MEF2C: variants seen among roughly 807,000 people sequenced by gnomAD.
MEF2C encodes myocyte enhancer factor 2C, also known as myocyte-specific enhancer factor 2C.
A neutral mutation model predicts 50.5 loss-of-function variants in MEF2C; 6 were observed. The observed-to-expected ratio is 0.12, with a 90% CI of 0.07 to 0.23. The LOEUF is 0.23. MEF2C is among the 10% of genes least tolerant of loss of function. The pLI, the probability that MEF2C is intolerant of heterozygous loss-of-function variation, is 1.00. For synonymous variants in MEF2C, 183 were observed against 228.0 expected, an observed-to-expected ratio of 0.80 and a Z score of 1.78; for missense variants, 276 against 605.0, an observed-to-expected ratio of 0.46 and a Z score of 5.70.
intron 1 of MEF2C, among the ~76,000 whole-genome samples, chr5:88,852,777 C>T (rs1375290594): frequency 2.0e-5 from 3 of 152,100 alleles, no homozygotes; most frequent in Non-Finnish European, 2.9e-5. Context: ...GAGCTGGGCA[C>T]GATGGTGCAC....
At chr5:88,887,227 T>G (rs1246991198), upstream of MEF2C, among the ~76,000 whole-genome samples, 1 of 152,220 alleles carries the variant, frequency 6.6e-6, no homozygotes, top group Admixed American at 6.5e-5. Flanking sequence ...TATTTTAATC[T>G]TTGTCTAATT....
At chr5:88,748,469 C>T (rs187131672) in intron 6 of MEF2C, among the ~76,000 whole-genome samples, 3 of 152,230 alleles carry the variant, frequency 2.0e-5, no homozygotes, top group South Asian at 2.1e-4. Context: ...CAAATTAACA[C>T]GGAAACCTGG....
At chr5:88,864,259 C>T (rs150535076) in intron 1 of MEF2C, among the ~76,000 whole-genome samples, 2 of 151,118 alleles carry the variant, frequency 1.3e-5, no homozygotes, top group Non-Finnish European at 2.9e-5. Context: ...CTTATTTGAT[C>T]ATGCTATAAT....
chr5:88,801,628 A>G (rs982643522), intron 3 of MEF2C, among the ~76,000 whole-genome samples: 5 of 151,738 alleles, frequency 3.3e-5, no homozygotes, highest in Non-Finnish European at 5.9e-5. Context: ...CTGGGACTAC[A>G]GGCCCCCTCC....
At chr5:88,887,642 T>C (rs1317098899), upstream of MEF2C, 2 of 152,274 alleles carry the variant, frequency 1.3e-5, no homozygotes. Context: ...ATTTTGTTAA[T>C]GCTGATATGA....
chr5:88,761,520 C>T (rs138317953), intron 3 of MEF2C, among the ~76,000 whole-genome samples, 192 bp from the exon 4 acceptor site: 4 of 152,224 alleles, frequency 2.6e-5, no homozygotes, highest in East Asian at 3.9e-4. Flanking sequence ...AAAATAAAAG[C>T]GAAAGATTCC....
At position 88,761,600 on chromosome 5, in the gene MEF2C, G is replaced by A. The variant is rs1419787438; in HGVS notation, c.259-272C>T. On this transcript the variant is annotated intron_variant, in intron 3 of 10. Transcript: ENST00000504921. The stretch of plus-strand genomic sequence containing the variant: ...AAGTTTCATGATACAGAATTCTTAC[G>A]TGCTTCAAATATCTAGTGAGAGACA... The A allele has an allele frequency of 1.5e-5, 5 of 340,772 alleles. No homozygotes were observed. In the East Asian group the frequency reaches 1.6e-4, roughly 11 times the overall value. 21.1% of individuals were successfully genotyped at this position (340,772 alleles called of 1,614,324 possible). A position where few individuals can be genotyped will look rare whatever the true frequency, so the allele number is the denominator to read the frequency against.
chr5:88,742,244 CTT>C, intron 6 of MEF2C: 1 of 985,332 alleles, frequency 1.0e-6, no homozygotes, highest in Non-Finnish European at 1.2e-6. Context: ...ATGAAAAAAG[CTT>C]TCCTTTCTGT....
intron 1 of MEF2C, among the ~76,000 whole-genome samples, chr5:88,854,318 G>A (rs932662250): frequency 6.6e-6 from 1 of 152,178 alleles, no homozygotes; most frequent in Non-Finnish European, 1.5e-5. Flanking sequence ...TGTTAGTTGA[G>A]AGATTAGAAA....
chr5:88,822,727 A>G (rs896559261), intron 2 of MEF2C, among the ~76,000 whole-genome samples: 3 of 151,986 alleles, frequency 2.0e-5, no homozygotes, highest in Non-Finnish European at 4.4e-5. Context: ...ATGAGTGTCT[A>G]CATTTGTGGG....
chr5:88,871,343 G>T (rs1327990416), intron 1 of MEF2C, among the ~76,000 whole-genome samples: 1 of 151,880 alleles, frequency 6.6e-6, no homozygotes, highest in Non-Finnish European at 1.5e-5. Context: ...TCTTCATGCA[G>T]ACTTATTATT....
chr5:88,884,299 A>G (rs1833770151), upstream of MEF2C: 1 of 151,918 alleles, frequency 6.6e-6, no homozygotes, highest in Admixed American at 6.6e-5. Context: ...TCTCTCTTCC[A>G]CCGGTCGGTG....
chr5:88,747,076 T>G (rs886502768), intron 6 of MEF2C, among the ~76,000 whole-genome samples: 11 of 152,198 alleles, frequency 7.2e-5, no homozygotes, highest in African/African-American at 2.7e-4. Context: ...GCATAAGATT[T>G]TGTTAGTTCA....
chr5:88,742,429 C>T, intron 6 of MEF2C: 1 of 982,710 alleles, frequency 1.0e-6, no homozygotes, highest in South Asian at 4.7e-5. Context: ...CCAAGGTTTT[C>T]TTATCCTTCA....
At chr5:88,785,092 C>G (rs976511190) in intron 3 of MEF2C, among the ~76,000 whole-genome samples, 1 of 152,184 alleles carries the variant, frequency 6.6e-6, no homozygotes, top group East Asian at 1.9e-4. Context: ...CATCAATTAT[C>G]GTCTTTTGTC....
At chr5:88,799,118 G>T (rs1431316769) in intron 3 of MEF2C, among the ~76,000 whole-genome samples, 1 of 152,186 alleles carries the variant, frequency 6.6e-6, no homozygotes. Context: ...GAGGCACGGG[G>T]GGTCAGGGAC....
At chr5:88,734,409 C>T (rs1311825712) in intron 6 of MEF2C, 2 of 985,056 alleles carry the variant, frequency 2.0e-6, no homozygotes, top group East Asian at 1.1e-4. Flanking sequence ...AAACTAAAAC[C>T]CCAGCTCGGT....
At chr5:88,863,364 A>C (rs1411566527) in intron 1 of MEF2C, among the ~76,000 whole-genome samples, 2 of 152,234 alleles carry the variant, frequency 1.3e-5, no homozygotes, top group African/African-American at 2.4e-5. Context: ...TGTGTTAATA[A>C]ATTTATACAG....
chr5:88,741,638 G>A, intron 6 of MEF2C: 1 of 978,674 alleles, frequency 1.0e-6, no homozygotes, highest in Non-Finnish European at 1.2e-6. Context: ...CATAGATTTA[G>A]TTTTCTCTTA....
Sources: allele counts gnomAD v4.1 joint callset (sites outside exome capture counted in the v4.1 genomes callset), GRCh38; gene constraint gnomAD v4.1.1; transcripts MANE v1.5; gene names NCBI Gene and HGNC (gene_info 2026-07-23, HGNC 2026-07-21).